ARHGAP29: variants seen among roughly 807,000 people sequenced by gnomAD.
ARHGAP29 encodes the protein Rho GTPase activating protein 29.
Under a neutral mutation model 122.6 loss-of-function variants are expected in ARHGAP29, and 43 were observed. The ratio of observed to expected loss-of-function variants is 0.35; its 90% CI spans 0.27 to 0.45. The LOEUF (loss-of-function observed/expected upper bound fraction) is 0.45. Among genes scored for constraint, ARHGAP29 ranks in the 20% least tolerant of loss-of-function variants. The pLI, the probability that ARHGAP29 is intolerant of heterozygous loss-of-function variation, is 1.00. For missense variants in ARHGAP29, 1,303 were observed against 1,477.2 expected (o/e 0.88, Z 1.93); for synonymous variants, 506 against 497.1 (o/e 1.02, Z -0.24).
At chr1:94,222,565 T>G (rs866265377) in intron 2 of ARHGAP29, among the ~76,000 whole-genome samples, 3 of 152,150 alleles carry the variant, frequency 2.0e-5, no homozygotes, top group Admixed American at 6.6e-5. Context: ...ACCTAATCAG[T>G]ATTCCTTAAA....
At chr1:94,294,559 TA>T in the ARHGAP29 span, among the ~76,000 whole-genome samples, 1 of 152,154 alleles carries the variant, frequency 6.6e-6, no homozygotes, top group Admixed American at 6.5e-5. Flanking sequence ...GTACTGGGAT[TA>T]CAGGTGTGAG....
the ARHGAP29 span, among the ~76,000 whole-genome samples, chr1:94,291,191 G>A: frequency 6.6e-6 from 1 of 152,006 alleles, no homozygotes; most frequent in Non-Finnish European, 1.5e-5. Context: ...TTTGTCTCTT[G>A]TGATCTTTGT....
At chr1:94,256,280 A>G (rs1280881066) in intron 1 of ARHGAP29, among the ~76,000 whole-genome samples, 2 of 152,168 alleles carry the variant, frequency 1.3e-5, no homozygotes, top group East Asian at 1.9e-4. Context: ...TATTCATCAA[A>G]TATTCTTGAT....
In ARHGAP29 at chr1:94,179,749, T is replaced by C. The variant is rs770044018; in HGVS notation, c.2456A>G (p.His819Arg). The C allele has an allele frequency of 6.2e-7, 1 of 1,612,088 alleles. No homozygotes were observed. Among genetic ancestry groups the C allele is most frequent in the East Asian group, 2.2e-5 (1 of 44,736 alleles). Residue 819 changes from histidine (H) to arginine (R), a missense_variant, in exon 20 of 23, where the codon CAT becomes CGT. His to Arg is a conservative substitution (Grantham distance 29). Transcript: ENST00000260526. ...CCGCTTTAGATGTACTATAAGGAAATGAAGACTGTTAAAATTTGATGCTGG... is the reference window on the plus strand; with the variant it reads ...CCGCTTTAGATGTACTATAAGGAAACGAAGACTGTTAAAATTTGATGCTGG... ...QLPASNFNSL[H>R]FLIVHLKRVV...
intron 12 of ARHGAP29, among the ~76,000 whole-genome samples, chr1:94,196,318 G>C (rs1312101170): frequency 7.9e-6 from 1 of 126,408 alleles, no homozygotes; most frequent in African/African-American, 3.0e-5. Flanking sequence ...CTGGAGTGCA[G>C]TGGCGCGATC....
At chr1:94,302,949 T>G in the ARHGAP29 span, 1 of 177,842 alleles carries the variant, frequency 5.6e-6, no homozygotes, top group South Asian at 1.1e-4. Context: ...GTCAGGCTCG[T>G]TTCCGGGTAT....
intron 13 of ARHGAP29, among the ~76,000 whole-genome samples, chr1:94,189,627 G>T (rs1199028920): frequency 6.6e-6 from 1 of 152,054 alleles, no homozygotes; most frequent in African/African-American, 2.4e-5. Flanking sequence ...TGACCTCTGT[G>T]AAAAACATAG....
At chr1:94,228,869 G>T (rs1652770123) in intron 2 of ARHGAP29, among the ~76,000 whole-genome samples, 1 of 151,692 alleles carries the variant, frequency 6.6e-6, no homozygotes, top group Admixed American at 6.6e-5. Context: ...AGTAATAAAG[G>T]TATTAACAGA....
rs912401424 is a variant in ARHGAP29 at position 94,169,744 on chromosome 1, C to A, written c.*4125G>T. Among the ~76,000 whole-genome samples, 6 of 151,870 alleles carry A rather than the reference C, an allele frequency of 4.0e-5. No individual in the cohort carries two copies. Among genetic ancestry groups the A allele is most frequent in the Non-Finnish European group, 8.8e-5 (6 of 67,994 alleles). Reference sequence around the variant, plus strand: ...AACCAGGGCTCCTTGGAAAAAAGGGCTAATTCTAGACTTGGGGTAGGGAGT... The same window carrying A: ...AACCAGGGCTCCTTGGAAAAAAGGGATAATTCTAGACTTGGGGTAGGGAGT... On this transcript the variant is annotated 3_prime_UTR_variant, in exon 23 of 23. Transcript: ENST00000260526.
chr1:94,276,802 A>T (rs1472859594), upstream of ARHGAP29, among the ~76,000 whole-genome samples: 1 of 150,974 alleles, frequency 6.6e-6, no homozygotes, highest in Non-Finnish European at 1.5e-5. Flanking sequence ...AAAAAAAAAA[A>T]AAAAAAAGGA....
intron 5 of ARHGAP29, among the ~76,000 whole-genome samples, chr1:94,207,841 T>G (rs573480892): frequency 8.3e-4 from 126 of 152,236 alleles, no homozygotes; most frequent in African/African-American, 2.9e-3. Context: ...GATTTTTTTT[T>G]TTGTTTTTGT....
chr1:94,286,754 C>A, the ARHGAP29 span, among the ~76,000 whole-genome samples: 5 of 152,070 alleles, frequency 3.3e-5, no homozygotes, highest in African/African-American at 4.8e-5. Flanking sequence ...ATAGAATAAA[C>A]AAGGTCTTTG....
At chr1:94,244,558 C>T (rs1456854037) in intron 1 of ARHGAP29, among the ~76,000 whole-genome samples, 1 of 151,788 alleles carries the variant, frequency 6.6e-6, no homozygotes, top group Non-Finnish European at 1.5e-5. Context: ...AGGGTCTTAG[C>T]CAGTACAGTA....
intron 1 of ARHGAP29, among the ~76,000 whole-genome samples, chr1:94,260,403 G>A (rs1427979187): frequency 6.6e-6 from 1 of 152,146 alleles, no homozygotes; most frequent in African/African-American, 2.4e-5. Flanking sequence ...ATTTTGGAAT[G>A]CCCATAGCAA....
chr1:94,269,660 G>A (rs1258182616), intron 1 of ARHGAP29, among the ~76,000 whole-genome samples: 2 of 152,136 alleles, frequency 1.3e-5, no homozygotes, highest in Non-Finnish European at 2.9e-5. Context: ...TTGAAGTAAT[G>A]CAAATTAAAA....
At position 94,184,258 on chromosome 1, in the gene ARHGAP29, TTA is replaced by T; in HGVS notation, c.2138_2139del (p.Ile713LysfsTer3). The stretch of plus-strand genomic sequence containing the variant: ...AAAGCTTGACACAATTTTTCAGTTT[TTA>T]TTTTGTTTCCACACACACGATAAAT... ...QGIYRVCGNK[I>X]KTEKLCQALE... On this transcript the variant is annotated frameshift_variant, in exon 19 of 23. Transcript: ENST00000260526. LOFTEE classifies it high-confidence loss of function. 1 of 1,611,842 alleles carries T rather than the reference TTA, an allele frequency of 6.2e-7. No homozygotes were observed. Among genetic ancestry groups the T allele is most frequent in the Non-Finnish European group, 8.5e-7 (1 of 1,179,348 alleles).
At position 94,202,685 on chromosome 1, in the gene ARHGAP29, T is replaced by A. The variant is rs200290075; in HGVS notation, c.1002A>T (p.Gln334His). ...TTGCTTTCTCATATTCATCTTGACG[T>A]TGCATGCATAATAATTTTGCCTTTT... ...ALKKAKLLCM[Q>H]RQDEYEKAKS... is the part of the protein sequence containing the mutation. Residue 334 changes from glutamine (Q) to histidine (H), a missense_variant, in exon 11 of 23, where the codon CAA becomes CAT. By Grantham distance (24) the Gln-to-His change is conservative (BLOSUM62 0). This residue lies in a region of ARHGAP29 where 592 missense variants were observed against 648.2 expected (regional missense o/e 0.91). Transcript: ENST00000260526. The A allele has an allele frequency of 3.1e-6, 5 of 1,614,066 alleles. No individual in the cohort carries two copies. Among genetic ancestry groups the A allele is most frequent in the Non-Finnish European group, 4.2e-6 (5 of 1,180,046 alleles).
At chr1:94,267,404 G>A (rs1258923518) in intron 1 of ARHGAP29, among the ~76,000 whole-genome samples, 1 of 152,174 alleles carries the variant, frequency 6.6e-6, no homozygotes, top group Admixed American at 6.5e-5. Flanking sequence ...AGGTAAAAGT[G>A]TAATGTGACT....
At chr1:94,264,603 A>G (rs999882817) in intron 1 of ARHGAP29, among the ~76,000 whole-genome samples, 1 of 152,002 alleles carries the variant, frequency 6.6e-6, no homozygotes, top group Admixed American at 6.6e-5. Context: ...TCTGCCATCA[A>G]GCTGATATTT....
Sources: allele counts gnomAD v4.1 joint callset (sites outside exome capture counted in the v4.1 genomes callset), GRCh38; gene constraint gnomAD v4.1.1; regional missense constraint gnomAD v4.1.1; transcripts MANE v1.5; gene names NCBI Gene and HGNC (gene_info 2026-07-23, HGNC 2026-07-21).